The following UNC5B variants were observed in gnomAD, a reference collection of about 807,000 sequenced individuals.
UNC5B encodes the protein unc-5 netrin receptor B.
UNC5B carries 56 observed loss-of-function variants against 103.7 expected under a neutral mutation model. That is an observed-to-expected ratio of 0.54 (90% CI 0.44 to 0.67). The LOEUF (loss-of-function observed/expected upper bound fraction) is 0.67. Ranked by LOEUF, UNC5B falls within the 30% of genes least tolerant of loss-of-function variation. The pLI is 0.00. For synonymous variants in UNC5B, 577 were observed against 542.0 expected, an observed-to-expected ratio of 1.06 and a Z score of -0.90; for missense variants, 1,194 against 1,284.5, an observed-to-expected ratio of 0.93 and a Z score of 1.08.
At chr10:71,216,273 C>T (rs1042235857) in intron 1 of UNC5B, among the ~76,000 whole-genome samples, 4 of 152,206 alleles carry the variant, frequency 2.6e-5, no homozygotes, top group Admixed American at 6.5e-5. Flanking sequence ...GAAATTGAGG[C>T]ACCACTTAAG....
chr10:71,261,728 G>A (rs944346754), intron 1 of UNC5B, among the ~76,000 whole-genome samples: 16 of 152,192 alleles, frequency 1.1e-4, no homozygotes, highest in African/African-American at 3.9e-4. Flanking sequence ...TGCAGGCCTG[G>A]CTGGAGCCCT....
At chr10:71,283,681 T>G (rs1482370272) in intron 2 of UNC5B, among the ~76,000 whole-genome samples, 1 of 152,146 alleles carries the variant, frequency 6.6e-6, no homozygotes, top group Non-Finnish European at 1.5e-5. Flanking sequence ...CAGATGAATG[T>G]CCCCTTTCCT....
chr10:71,248,098 C>T (rs1844080234), intron 1 of UNC5B, among the ~76,000 whole-genome samples: 1 of 152,134 alleles, frequency 6.6e-6, no homozygotes, highest in Admixed American at 6.5e-5. Context: ...CTTGTGGTAT[C>T]TCAGGGAAGG....
In UNC5B at chr10:71,253,008, C is replaced by T. The variant is rs1389187509; in HGVS notation, c.80-26813C>T. Among the ~76,000 whole-genome samples, 3 of 152,322 alleles carry T rather than the reference C, an allele frequency of 2.0e-5. No homozygotes were observed. In the East Asian group the frequency reaches 5.8e-4, roughly 29 times the overall value. On this transcript the variant is annotated intron_variant, in intron 1 of 16. Transcript: ENST00000335350. ...AGAGCACAAGCCCCAGGACCTGTGT[C>T]CAGGACATTGGTCATTTCTCAGGAC...
At chr10:71,287,803 C>T (rs1845133034) in intron 6 of UNC5B, 38 bp downstream of exon 6, 1 of 1,587,660 alleles carries the variant, frequency 6.3e-7, no homozygotes, top group Admixed American at 1.9e-5. Context: ...CACCCCGAAC[C>T]CTGTCCCACC....
rs561814047 is a variant in UNC5B, at chr10:71,276,969, C to G, written c.80-2852C>G. Reference sequence around the variant, plus strand: ...CACAGAGGGGACACTTGGCCTGCGCCCCTGCCAAGGCCAGAGCTGAATCTT... The same window carrying G: ...CACAGAGGGGACACTTGGCCTGCGCGCCTGCCAAGGCCAGAGCTGAATCTT... On this transcript the variant is annotated intron_variant, in intron 1 of 16. Transcript: ENST00000335350. Among the ~76,000 whole-genome samples, 5 of 152,356 alleles carry G rather than the reference C, an allele frequency of 3.3e-5. No individual in the cohort carries two copies. The East Asian group carries it at 9.6e-4, about 29-fold the overall frequency.
rs1843257866 is a variant in UNC5B at position 71,212,984 on chromosome 10, G to C, written c.-2G>C. On this transcript the variant is annotated 5_prime_UTR_variant, in exon 1 of 17. Coordinates refer to ENST00000335350, the MANE Select transcript of UNC5B (RefSeq NM_170744.5). Reference sequence around the variant, plus strand: ...GAGGCGCCCGAACCAGGCCGCGGGAGCATGGGGGCCCGGAGCGGAGCTCGG... The same window carrying C: ...GAGGCGCCCGAACCAGGCCGCGGGACCATGGGGGCCCGGAGCGGAGCTCGG... 2 of 1,382,694 alleles carry C rather than the reference G, an allele frequency of 1.4e-6. No individual in the cohort carries two copies. The highest frequency in any genetic ancestry group is 5.6e-5 in the East Asian group (2 of 35,602). The allele number at this position is 1,382,694 out of a possible 1,614,324, so 85.7% of individuals were successfully genotyped here. A position where few individuals can be genotyped will look rare whatever the true frequency, so the allele number is the denominator to read the frequency against.
chr10:71,291,855 C>T (rs1432074121), intron 10 of UNC5B, 34 bp downstream of exon 10: 6 of 1,556,492 alleles, frequency 3.9e-6, no homozygotes, highest in East Asian at 4.5e-5. Context: ...GTCAGCCTGG[C>T]CTTAGCACCT....
chr10:71,244,441 T>G (rs1589161552), intron 1 of UNC5B, among the ~76,000 whole-genome samples: 1 of 152,248 alleles, frequency 6.6e-6, no homozygotes, highest in South Asian at 2.1e-4. Flanking sequence ...AGGTTTACAG[T>G]AAATATCAGT....
chr10:71,275,614 A>G (rs1844751827), intron 1 of UNC5B, among the ~76,000 whole-genome samples: 1 of 152,176 alleles, frequency 6.6e-6, no homozygotes, highest in Non-Finnish European at 1.5e-5. Flanking sequence ...TAGCGGTGCC[A>G]CTTACTAGCT....
intron 1 of UNC5B, among the ~76,000 whole-genome samples, chr10:71,242,625 T>C (rs1225047920): frequency 6.6e-6 from 1 of 152,210 alleles, no homozygotes; most frequent in African/African-American, 2.4e-5. Flanking sequence ...GTATAGCCAT[T>C]GTCCGTGTGA....
intron 1 of UNC5B, among the ~76,000 whole-genome samples, chr10:71,247,039 A>T (rs1413346338): frequency 6.6e-6 from 1 of 152,218 alleles, no homozygotes; most frequent in Non-Finnish European, 1.5e-5. Context: ...AGGAGCTTTC[A>T]GCCTCCAGCC....
rs1843267180 is a variant in UNC5B at position 71,213,397 on chromosome 10, T to C, written c.79+333T>C. Among the ~76,000 whole-genome samples, 1 of 152,122 alleles carries C rather than the reference T, an allele frequency of 6.6e-6. No homozygotes were observed. ...GGGGACGCCCGGCTCTCCGCGCGCC[T>C]GGCATCCGCCCCGAAAAAGAACATT... On this transcript the variant is annotated intron_variant, in intron 1 of 16. Transcript: ENST00000335350. This position sits in a 1 kb window ranked among gnomAD's most constrained non-coding sequence, Gnocchi z 4.1.
chr10:71,264,229 G>T (rs1844475642), intron 1 of UNC5B, among the ~76,000 whole-genome samples: 1 of 152,150 alleles, frequency 6.6e-6, no homozygotes, highest in South Asian at 2.1e-4. Flanking sequence ...TAAGATTGCT[G>T]CAACAATTAA....
At chr10:71,293,343 C>T in intron 11 of UNC5B, 62 bp from the exon 12 acceptor site, 2 of 1,533,688 alleles carry the variant, frequency 1.3e-6, no homozygotes, top group Non-Finnish European at 1.8e-6. Context: ...GGGAGCCCAG[C>T]AGGAGCCTGC....
At chr10:71,237,793 A>G (rs1843806678) in intron 1 of UNC5B, among the ~76,000 whole-genome samples, 1 of 152,178 alleles carries the variant, frequency 6.6e-6, no homozygotes. Flanking sequence ...ATTCTGTCTC[A>G]AGAAATATTT....
intron 5 of UNC5B, 118 bp downstream of exon 5, chr10:71,286,987 T>A: frequency 7.3e-7 from 1 of 1,369,380 alleles, no homozygotes; most frequent in Non-Finnish European, 9.9e-7. Flanking sequence ...GGGAAGTGAA[T>A]TGACCAAGAT....
rs1486046568 is a variant in UNC5B, at chr10:71,284,805, C to T, written c.390C>T (p.Cys130=). 3 of 1,613,744 alleles carry T rather than the reference C, an allele frequency of 1.9e-6. No homozygotes were observed. Among genetic ancestry groups the T allele is most frequent in the African/African-American group, 1.3e-5 (1 of 75,016 alleles). ...GGCTGGAGGATTACTGGTGCCAGTGCGTGGCCTGGAGCTCCGCGGGCACCA... is the reference window on the plus strand; with the variant it reads ...GGCTGGAGGATTACTGGTGCCAGTGTGTGGCCTGGAGCTCCGCGGGCACCA... ...LFGLEDYWCQ[C]VAWSSAGTTK... is the part of the protein sequence containing the mutation. Residue 130 remains cysteine, a synonymous_variant, in exon 3 of 17, where the codon TGC becomes TGT. Transcript: ENST00000335350.
chr10:71,269,351 C>A, intron 1 of UNC5B, among the ~76,000 whole-genome samples: 1 of 145,712 alleles, frequency 6.9e-6, no homozygotes, highest in Non-Finnish European at 1.5e-5. Context: ...AGTCCCCCCC[C>A]CACAACTTCT....
Sources: allele counts gnomAD v4.1 joint callset (sites outside exome capture counted in the v4.1 genomes callset), GRCh38; gene constraint gnomAD v4.1.1; non-coding constraint Gnocchi (gnomAD v3.1); transcripts MANE v1.5; gene names NCBI Gene and HGNC (gene_info 2026-07-23, HGNC 2026-07-21).